NEURL1: variants seen among roughly 807,000 people sequenced by gnomAD.
NEURL1 encodes the protein neuralized E3 ubiquitin protein ligase 1.
A neutral mutation model predicts 41.2 loss-of-function variants in NEURL1; 26 were observed. That is an observed-to-expected ratio of 0.63 (90% CI 0.46 to 0.87). The LOEUF (loss-of-function observed/expected upper bound fraction) is 0.87. NEURL1 is among the 40% of genes least tolerant of loss of function. The pLI, the probability that NEURL1 is intolerant of heterozygous loss-of-function variation, is 0.00. For missense variants in NEURL1, 761 were observed against 871.1 expected (o/e 0.87, Z 1.59); for synonymous variants, 400 against 402.3 (o/e 0.99, Z 0.07).
chr10:103,572,753 G>T (rs1467105909), intron 3 of NEURL1, among the ~76,000 whole-genome samples: 2 of 152,206 alleles, frequency 1.3e-5, no homozygotes, highest in Non-Finnish European at 2.9e-5. Flanking sequence ...TAGACTCTGG[G>T]TACAAATCAG....
chr10:103,590,424 TC>T lies in NEURL1; in HGVS notation c.*55del. Reference sequence around the variant, plus strand: ...CCCATCTTCTCGGGCTTCAGCCCAGTCCCAGCTGAGGAACAAGCCAGTGGGG... The same window carrying T: ...CCCATCTTCTCGGGCTTCAGCCCAGTCCAGCTGAGGAACAAGCCAGTGGGG... On this transcript the variant is annotated 3_prime_UTR_variant, in exon 6 of 6. Coordinates refer to ENST00000369780, the MANE Select transcript of NEURL1 (RefSeq NM_004210.5). 6.6e-7 allele frequency: 1 copy of T among 1,505,394 alleles called. No individual in the cohort carries two copies. The highest frequency in any genetic ancestry group is 9.2e-7 in the Non-Finnish European group (1 of 1,084,736). The allele number at this position is 1,505,394 out of a possible 1,614,324, so 93.3% of individuals were successfully genotyped here.
At chr10:103,497,788 G>A (rs182627557) in intron 1 of NEURL1, among the ~76,000 whole-genome samples, 6 of 152,110 alleles carry the variant, frequency 3.9e-5, no homozygotes, top group African/African-American at 1.2e-4. Flanking sequence ...GACACCCCTG[G>A]GCTTTCCCAG....
At chr10:103,507,590 G>T (rs1564804193) in intron 1 of NEURL1, among the ~76,000 whole-genome samples, 1 of 152,172 alleles carries the variant, frequency 6.6e-6, no homozygotes, top group African/African-American at 2.4e-5. Context: ...ACATGCACCT[G>T]GGGGCTCTGT....
chr10:103,589,491 C>G, intron 4 of NEURL1, 23 bp from the exon 5 acceptor site: 3 of 1,569,662 alleles, frequency 1.9e-6, no homozygotes, highest in Non-Finnish European at 2.6e-6. Flanking sequence ...CTAGTGTGTC[C>G]TTCCCTCCCT....
intron 5 of NEURL1, 83 bp downstream of exon 5, chr10:103,589,743 G>C (rs2035999353): frequency 6.6e-7 from 1 of 1,518,418 alleles, no homozygotes; most frequent in African/African-American, 1.4e-5. Context: ...GGCTGGGAGT[G>C]GAGAGGAGCT....
chr10:103,558,557 T>A lies in NEURL1; in HGVS notation c.86-12315T>A, dbSNP rs2035212573. On this transcript the variant is annotated intron_variant, in intron 1 of 5. Transcript: ENST00000369780. The surrounding 1 kb of genome is among the most constrained non-coding windows in gnomAD (Gnocchi z 4.2). Reference sequence around the variant, plus strand: ...TGTGTGTGTGTGTGTGTAGTGGGGCTGGTGGTGAGGAGTCGGGCTCCTCTG... The same window carrying A: ...TGTGTGTGTGTGTGTGTAGTGGGGCAGGTGGTGAGGAGTCGGGCTCCTCTG... 6.9e-6 allele frequency among the ~76,000 whole-genome samples: 1 copy of A among 145,792 alleles called. No homozygotes were observed. The highest frequency in any genetic ancestry group is 1.5e-5 in the Non-Finnish European group (1 of 67,068).
chr10:103,572,894 G>A (rs1284877308), intron 3 of NEURL1, among the ~76,000 whole-genome samples: 2 of 152,102 alleles, frequency 1.3e-5, no homozygotes, highest in Admixed American at 6.5e-5. Flanking sequence ...GCACAGTCTC[G>A]GGTACCAAGT....
chr10:103,513,550 G>A (rs1357183881), intron 1 of NEURL1, among the ~76,000 whole-genome samples: 2 of 152,222 alleles, frequency 1.3e-5, no homozygotes, highest in South Asian at 2.1e-4. Flanking sequence ...CGCGAGCCAC[G>A]CCTAGTGCCT....
At chr10:103,497,593 T>G (rs1365857570) in intron 1 of NEURL1, among the ~76,000 whole-genome samples, 1 of 152,206 alleles carries the variant, frequency 6.6e-6, no homozygotes, top group Non-Finnish European at 1.5e-5. Flanking sequence ...CCATCGCCTC[T>G]CGGGTGATAG....
intron 4 of NEURL1, among the ~76,000 whole-genome samples, chr10:103,586,744 CATAA>C (rs1380710278): frequency 6.6e-6 from 1 of 152,088 alleles, no homozygotes; most frequent in Admixed American, 6.5e-5. Context: ...TGGAGTGAAA[CATAA>C]ATAAAAAGGA....
chr10:103,535,774 C>T (rs757357262), intron 1 of NEURL1, among the ~76,000 whole-genome samples: 12 of 152,098 alleles, frequency 7.9e-5, no homozygotes, highest in Non-Finnish European at 1.6e-4. Flanking sequence ...GGGAAGGGTG[C>T]AACAGCTGCT....
chr10:103,536,029 T>C (rs1180789513), intron 1 of NEURL1, among the ~76,000 whole-genome samples: 1 of 152,166 alleles, frequency 6.6e-6, no homozygotes, highest in Admixed American at 6.5e-5. Flanking sequence ...GCTTGGTGCC[T>C]GTGAGAATTG....
chr10:103,523,498 T>C (rs1373757205), intron 1 of NEURL1, among the ~76,000 whole-genome samples: 2 of 151,608 alleles, frequency 1.3e-5, no homozygotes, highest in Non-Finnish European at 2.9e-5. Flanking sequence ...TACAATAAAT[T>C]GTTGTTAGTT....
chr10:103,584,346 T>G (rs1564832235), intron 3 of NEURL1, among the ~76,000 whole-genome samples, 190 bp from the exon 4 acceptor site: 1 of 152,218 alleles, frequency 6.6e-6, no homozygotes, highest in African/African-American at 2.4e-5. Context: ...CCCCCACCTA[T>G]TCCTCTGCTT....
chr10:103,513,496 C>G (rs114179328), intron 1 of NEURL1, among the ~76,000 whole-genome samples: 5 of 152,258 alleles, frequency 3.3e-5, no homozygotes, highest in Admixed American at 6.5e-5. Flanking sequence ...GAGGCTAGCC[C>G]TGGGATACCT....
chr10:103,539,166 T>C (rs903231479), intron 1 of NEURL1, among the ~76,000 whole-genome samples: 3 of 151,994 alleles, frequency 2.0e-5, no homozygotes, highest in African/African-American at 7.3e-5. Context: ...AGGCTGGTCT[T>C]GAACTCCTGG....
chr10:103,536,429 A>G (rs1002298317), intron 1 of NEURL1, among the ~76,000 whole-genome samples: 1 of 152,120 alleles, frequency 6.6e-6, no homozygotes, highest in African/African-American at 2.4e-5. Context: ...CTGTAGTTCC[A>G]GCTACTTGGG....
At chr10:103,533,290 G>A (rs1401034868) in intron 1 of NEURL1, among the ~76,000 whole-genome samples, 1 of 151,688 alleles carries the variant, frequency 6.6e-6, no homozygotes, top group Non-Finnish European at 1.5e-5. Flanking sequence ...TGTCTCATAA[G>A]TCTTGTAATT....
At chr10:103,505,456 C>T (rs908727869) in intron 1 of NEURL1, among the ~76,000 whole-genome samples, 5 of 152,140 alleles carry the variant, frequency 3.3e-5, no homozygotes, top group African/African-American at 1.2e-4. Context: ...AACTCCTGAC[C>T]TCAGGTGATC....
Sources: allele counts gnomAD v4.1 joint callset (sites outside exome capture counted in the v4.1 genomes callset), GRCh38; gene constraint gnomAD v4.1.1; non-coding constraint Gnocchi (gnomAD v3.1); transcripts MANE v1.5; gene names NCBI Gene and HGNC (gene_info 2026-07-23, HGNC 2026-07-21).